The following PDZRN4 variants were observed in gnomAD, a reference collection of about 807,000 sequenced individuals.
PDZRN4 encodes the protein PDZ domain-containing RING finger protein 4.
PDZRN4 carries 70 observed loss-of-function variants against 99.0 expected under a neutral mutation model. The ratio of observed to expected loss-of-function variants is 0.71; its 90% CI spans 0.58 to 0.86. The LOEUF (loss-of-function observed/expected upper bound fraction) is 0.86, where lower values mean the gene tolerates loss of function less well. PDZRN4 is among the 40% of genes least tolerant of loss of function. The pLI is 0.00. For missense variants in PDZRN4, 1,474 were observed against 1,331.2 expected (o/e 1.11, Z -1.67); for synonymous variants, 551 against 501.6 (o/e 1.10, Z -1.32).
intron 5 of PDZRN4, among the ~76,000 whole-genome samples, chr12:41,545,510 TGTGTGTG>T (rs1233389878): frequency 8.0e-5 from 1 of 12,576 alleles, no homozygotes; most frequent in African/African-American, 1.0e-3. Context: ...ATGATATTAA[TGTGTGTG>T]TGTGTGTGTG....
At chr12:41,302,348 A>G (rs1359080406) in intron 3 of PDZRN4, among the ~76,000 whole-genome samples, 1 of 152,180 alleles carries the variant, frequency 6.6e-6, no homozygotes, top group Non-Finnish European at 1.5e-5. Context: ...ACTCCAAAAG[A>G]TAATATTGAT....
chr12:41,505,940 C>G (rs370363428), intron 3 of PDZRN4, among the ~76,000 whole-genome samples: 1 of 152,046 alleles, frequency 6.6e-6, no homozygotes, highest in South Asian at 2.1e-4. Context: ...ACAGACCACA[C>G]TTCAAACAGT....
intron 3 of PDZRN4, among the ~76,000 whole-genome samples, chr12:41,265,079 A>AC (rs1016437195): frequency 6.6e-6 from 1 of 151,478 alleles, no homozygotes; most frequent in Non-Finnish European, 1.5e-5. Context: ...CTGCACATGT[A>AC]CCCCCCAAAT....
intron 3 of PDZRN4, among the ~76,000 whole-genome samples, chr12:41,361,292 G>T (rs1298949884): frequency 1.3e-5 from 2 of 151,988 alleles, no homozygotes; most frequent in African/African-American, 4.8e-5. Flanking sequence ...TAAAGTCATT[G>T]GAAATGCTAA....
intron 3 of PDZRN4, among the ~76,000 whole-genome samples, chr12:41,207,279 G>A (rs1223020810): frequency 1.3e-5 from 2 of 151,564 alleles, no homozygotes; most frequent in East Asian, 1.9e-4. Flanking sequence ...AGTCATTGAG[G>A]CATACTTAAT....
At chr12:41,467,270 T>G (rs192792453) in intron 3 of PDZRN4, among the ~76,000 whole-genome samples, 4 of 152,146 alleles carry the variant, frequency 2.6e-5, no homozygotes, top group Admixed American at 2.6e-4. Flanking sequence ...AGAAAAAAAT[T>G]TGTTTAATAG....
rs1203666366 is a variant in PDZRN4 at position 41,189,071 on chromosome 12, T to A, written c.616T>A (p.Phe206Ile). Residue 206 changes from phenylalanine (F) to isoleucine (I), a missense_variant, in exon 1 of 10, where the codon TTC becomes ATC. Transcript: ENST00000402685. ...CCAATACATGGCTCACGTCCGCAAC[T>A]TCGTCGGCGACCTCGGTGGCGGCCA... The part of the protein sequence containing the change: ...FTQYMAHVRN[F>I]VGDLGGGHRR... 7 of 1,581,308 alleles carry A rather than the reference T, an allele frequency of 4.4e-6. No homozygotes were observed. The highest frequency in any genetic ancestry group is 4.5e-5 in the East Asian group (2 of 44,008).
chr12:41,330,519 A>G (rs1004393818), intron 3 of PDZRN4, among the ~76,000 whole-genome samples: 6 of 150,642 alleles, frequency 4.0e-5, no homozygotes, highest in Non-Finnish European at 7.4e-5. Flanking sequence ...ACAATTTCCT[A>G]TGATCTTTCC....
intron 3 of PDZRN4, among the ~76,000 whole-genome samples, chr12:41,270,001 C>G (rs78106398): frequency 0.011 from 1,733 of 152,160 alleles, 55 homozygotes; most frequent in East Asian, 0.097. Flanking sequence ...TTGTCTGTCT[C>G]TCTCTGGTTT....
intron 3 of PDZRN4, among the ~76,000 whole-genome samples, chr12:41,289,746 T>A (rs1951445190): frequency 6.6e-6 from 1 of 152,144 alleles, no homozygotes; most frequent in Non-Finnish European, 1.5e-5. Context: ...ATTGCTGCAG[T>A]CCAATATACA....
At chr12:41,375,940 T>C (rs1166612242) in intron 3 of PDZRN4, among the ~76,000 whole-genome samples, 2 of 152,192 alleles carry the variant, frequency 1.3e-5, no homozygotes, top group East Asian at 3.8e-4. Context: ...TCCATTCTAC[T>C]CTTAATTTCT....
chr12:41,217,201 C>T (rs1270149459), intron 3 of PDZRN4, among the ~76,000 whole-genome samples: 12 of 152,032 alleles, frequency 7.9e-5, no homozygotes, highest in Admixed American at 7.9e-4. Context: ...GAAGTAGAGG[C>T]CAATGTTCCA....
intron 3 of PDZRN4, among the ~76,000 whole-genome samples, chr12:41,239,734 A>T (rs768075716): frequency 6.6e-6 from 1 of 152,196 alleles, no homozygotes; most frequent in African/African-American, 2.4e-5. Flanking sequence ...CCTTTCTTAA[A>T]CAGCTTATAT....
chr12:41,283,089 G>GAT (rs1591996686), intron 3 of PDZRN4, among the ~76,000 whole-genome samples: 3 of 151,302 alleles, frequency 2.0e-5, no homozygotes. Context: ...TCCAGGGGCT[G>GAT]TTTTTTTTAA....
chr12:41,463,824 C>T (rs1952896786), intron 3 of PDZRN4, among the ~76,000 whole-genome samples: 1 of 152,152 alleles, frequency 6.6e-6, no homozygotes, highest in Non-Finnish European at 1.5e-5. Flanking sequence ...TAGATACGGC[C>T]TCTGATAAAA....
intron 3 of PDZRN4, among the ~76,000 whole-genome samples, chr12:41,273,472 C>A (rs563830063): frequency 6.6e-6 from 1 of 152,124 alleles, no homozygotes; most frequent in Non-Finnish European, 1.5e-5. Flanking sequence ...GAGAATGAAA[C>A]AGTATAGCGT....
chr12:41,510,903 G>A (rs1292002346), intron 5 of PDZRN4, among the ~76,000 whole-genome samples: 2 of 152,070 alleles, frequency 1.3e-5, no homozygotes, highest in African/African-American at 2.4e-5. Flanking sequence ...ATGACAACTG[G>A]TAACTGAGTA....
intron 3 of PDZRN4, among the ~76,000 whole-genome samples, chr12:41,477,700 A>G (rs913454706): frequency 1.3e-5 from 2 of 152,218 alleles, no homozygotes; most frequent in South Asian, 4.1e-4. Flanking sequence ...ATAAATATAA[A>G]TGATGGTTAT....
intron 3 of PDZRN4, among the ~76,000 whole-genome samples, chr12:41,401,600 C>T (rs562436374): frequency 6.6e-6 from 1 of 152,202 alleles, no homozygotes; most frequent in African/African-American, 2.4e-5. Context: ...GAATCCATCT[C>T]TTCTTTGCCA....
Sources: allele counts gnomAD v4.1 joint callset (sites outside exome capture counted in the v4.1 genomes callset), GRCh38; gene constraint gnomAD v4.1.1; transcripts MANE v1.5; gene names NCBI Gene and HGNC (gene_info 2026-07-23, HGNC 2026-07-21).